HSPB8: variants seen among roughly 807,000 people sequenced by gnomAD.
The protein encoded by HSPB8 is heat shock protein beta-8.
In HSPB8, 9 loss-of-function variants were observed where a neutral mutation model predicts 16.5. The observed-to-expected ratio is 0.55, with a 90% CI of 0.33 to 0.95. The LOEUF (loss-of-function observed/expected upper bound fraction) is 0.95, where lower values mean the gene tolerates loss of function less well. HSPB8 is among the 40% of genes least tolerant of loss of function. HSPB8 has a pLI of 0.03. For synonymous variants in HSPB8, 99 were observed against 94.8 expected (o/e 1.04, Z -0.26); for missense variants, 238 against 251.2 (o/e 0.95, Z 0.35).
chr12:119,194,016 A>G lies in HSPB8; in HGVS notation c.*158A>G. 1.2e-6 allele frequency: 1 copy of G among 804,980 alleles called. No individual in the cohort carries two copies. Among genetic ancestry groups the G allele is most frequent in the East Asian group, 2.6e-5 (1 of 38,060 alleles). The allele number at this position is 804,980 out of a possible 1,614,324, so 49.9% of individuals were successfully genotyped here. On this transcript the variant is annotated 3_prime_UTR_variant, in exon 3 of 3. Coordinates refer to ENST00000281938, the MANE Select transcript of HSPB8 (RefSeq NM_014365.3). The stretch of plus-strand genomic sequence containing the variant: ...CAGATTCCCTGGATAGTGTAGTGGT[A>G]GATTTCTCCACAGGATAGCGCAATT...
At chr12:119,184,618 T>A (rs1281384943) in intron 1 of HSPB8, among the ~76,000 whole-genome samples, 1 of 152,120 alleles carries the variant, frequency 6.6e-6, no homozygotes, top group Non-Finnish European at 1.5e-5. Context: ...GGATAGCATG[T>A]TCTGGTTAGC....
rs1954624698 is a variant in HSPB8 at position 119,179,688 on chromosome 12, G to A, written c.367+9G>A. 6.4e-7 allele frequency: 1 copy of A among 1,564,092 alleles called. No individual in the cohort carries two copies. Among genetic ancestry groups the A allele is most frequent in the Admixed American group, 1.9e-5 (1 of 51,932 alleles). On this transcript the variant is annotated intron_variant, in intron 1 of 2. Transcript: ENST00000281938. ...ATACGTGGAGGTGTCTGGTAAGTCA[G>A]GGGCAGGAGGGAGAGAGAATGGGGA...
chr12:119,188,571 G>A (rs532314585), intron 2 of HSPB8, among the ~76,000 whole-genome samples: 12 of 152,174 alleles, frequency 7.9e-5, no homozygotes, highest in South Asian at 2.1e-4. Flanking sequence ...CCAAGCCATC[G>A]TTGCATTTAG....
At chr12:119,187,145 G>A in intron 2 of HSPB8, 57 bp downstream of exon 2, 1 of 1,407,024 alleles carries the variant, frequency 7.1e-7, no homozygotes. Flanking sequence ...GGCACACCTG[G>A]GACCCATGAT....
intron 2 of HSPB8, among the ~76,000 whole-genome samples, chr12:119,191,013 A>G (rs750144595): frequency 6.6e-6 from 1 of 152,158 alleles, no homozygotes; most frequent in Non-Finnish European, 1.5e-5. Flanking sequence ...TTTCCCCATA[A>G]GTAATATAAG....
rs1954730040 is a variant in HSPB8 at position 119,194,124 on chromosome 12, T to G, written c.*266T>G. The G allele has an allele frequency of 1.8e-5, 9 of 511,354 alleles. No individual in the cohort carries two copies. Among genetic ancestry groups the G allele is most frequent in the South Asian group, 1.6e-4 (8 of 48,614 alleles). The allele number at this position is 511,354 out of a possible 1,614,324, so 31.7% of individuals were successfully genotyped here. ...TCTATCTTGATGAAAATGTTGCACA[T>G]TCTATAGTTGCAAAACACATAAAAG... On this transcript the variant is annotated 3_prime_UTR_variant, in exon 3 of 3. Coordinates refer to ENST00000281938, the MANE Select transcript of HSPB8 (RefSeq NM_014365.3).
intron 1 of HSPB8, among the ~76,000 whole-genome samples, chr12:119,180,621 C>T (rs1954630657): frequency 6.6e-6 from 1 of 152,140 alleles, no homozygotes; most frequent in Non-Finnish European, 1.5e-5. Flanking sequence ...CTCACTGCCG[C>T]ATCCCACCCT....
intron 2 of HSPB8, 69 bp from the exon 3 acceptor site, chr12:119,193,630 C>T (rs1051061894): frequency 1.4e-5 from 22 of 1,539,392 alleles, no homozygotes; most frequent in Non-Finnish European, 1.7e-5. Flanking sequence ...TATTTCCTCT[C>T]AAGTGAATAA....
chr12:119,184,490 G>A (rs1225685292), intron 1 of HSPB8, among the ~76,000 whole-genome samples: 1 of 152,190 alleles, frequency 6.6e-6, no homozygotes. Context: ...TGGCTGTGGG[G>A]AGGGTACCAA....
chr12:119,186,890 A>G, intron 1 of HSPB8, 135 bp from the exon 2 acceptor site: 2 of 808,092 alleles, frequency 2.5e-6, no homozygotes, highest in Non-Finnish European at 4.3e-6. Flanking sequence ...TGAGGCTTAG[A>G]TAACTAGAGT....
At chr12:119,186,559 T>A (rs1954677277) in intron 1 of HSPB8, among the ~76,000 whole-genome samples, 1 of 152,116 alleles carries the variant, frequency 6.6e-6, no homozygotes, top group Non-Finnish European at 1.5e-5. Flanking sequence ...AGGAAAGCAC[T>A]CTGTTAGCTA....
At chr12:119,180,408 G>A (rs1277613231) in intron 1 of HSPB8, among the ~76,000 whole-genome samples, 2 of 152,180 alleles carry the variant, frequency 1.3e-5, no homozygotes, top group Non-Finnish European at 2.9e-5. Context: ...ATGATTTACT[G>A]AGCACCTACT....
chr12:119,187,168 C>T, intron 2 of HSPB8, 80 bp downstream of exon 2: 1 of 1,134,072 alleles, frequency 8.8e-7, no homozygotes, highest in South Asian at 1.2e-5. Context: ...GGGGTCTCTC[C>T]CTCTTGGGCA....
intron 1 of HSPB8, 150 bp from the exon 2 acceptor site, chr12:119,186,875 G>A: frequency 1.3e-6 from 1 of 750,186 alleles, no homozygotes; most frequent in South Asian, 1.5e-5. Flanking sequence ...GGCAGACAAG[G>A]TCCTTGAGGC....
At chr12:119,190,411 G>A (rs1419739556) in intron 2 of HSPB8, among the ~76,000 whole-genome samples, 1 of 152,192 alleles carries the variant, frequency 6.6e-6, no homozygotes, top group Non-Finnish European at 1.5e-5. Context: ...GCAGCTGTTT[G>A]CCTTAACCAT....
At position 119,184,238 on chromosome 12, in the gene HSPB8, C is replaced by T. The variant is rs534723494; in HGVS notation, c.368-2787C>T. ...CTACAAAATGACAATAATGAAAATG[C>T]CTGCTTATATTATTATTTTACTATT... On this transcript the variant is annotated intron_variant, in intron 1 of 2. Coordinates refer to ENST00000281938, the MANE Select transcript of HSPB8 (RefSeq NM_014365.3). Among the ~76,000 whole-genome samples, 114 of 152,210 alleles carry T rather than the reference C, an allele frequency of 7.5e-4. 1 individual carries two copies. Among genetic ancestry groups the T allele is most frequent in the African/African-American group, 2.7e-3 (114 of 41,518 alleles).
At chr12:119,188,283 G>T in intron 2 of HSPB8, among the ~76,000 whole-genome samples, 1 of 134,260 alleles carries the variant, frequency 7.4e-6, no homozygotes, top group African/African-American at 2.9e-5. Context: ...GTCTCACTCT[G>T]TTGCCCAGGC....
chr12:119,186,937 C>A, intron 1 of HSPB8, 88 bp from the exon 2 acceptor site: 1 of 1,257,456 alleles, frequency 8.0e-7, no homozygotes, highest in Non-Finnish European at 1.2e-6. Flanking sequence ...CAAGGCAGGT[C>A]CAGGGCCAGG....
At chr12:119,186,986 A>T (rs1364793698) in intron 1 of HSPB8, 39 bp from the exon 2 acceptor site, 1 of 1,601,782 alleles carries the variant, frequency 6.2e-7, no homozygotes, top group Admixed American at 1.7e-5. Context: ...ATGCCCAAGG[A>T]ACATAGATGC....
Sources: allele counts gnomAD v4.1 joint callset (sites outside exome capture counted in the v4.1 genomes callset), GRCh38; gene constraint gnomAD v4.1.1; transcripts MANE v1.5; gene names NCBI Gene and HGNC (gene_info 2026-07-23, HGNC 2026-07-21).